Variants in HNF4A observed in about 807,000 individuals in gnomAD.
HNF4A encodes the protein hepatocyte nuclear factor 4-alpha.
HNF4A carries 15 observed loss-of-function variants against 52.4 expected under a neutral mutation model. That is an observed-to-expected ratio of 0.29 (90% CI 0.19 to 0.44). HNF4A has a LOEUF of 0.44. Among genes scored for constraint, HNF4A ranks in the 20% least tolerant of loss-of-function variants. The probability of loss-of-function intolerance (pLI) is 1.00; values close to 1 mark genes in which losing one functional copy is unlikely to be tolerated. For synonymous variants in HNF4A, 280 were observed against 264.4 expected (o/e 1.06, Z -0.57); for missense variants, 479 against 647.2 (o/e 0.74, Z 2.82).
intron 8 of HNF4A, chr20:44,424,537 G>A (rs1398798846): frequency 2.2e-5 from 24 of 1,068,946 alleles, no homozygotes; most frequent in Non-Finnish European, 3.3e-5. Flanking sequence ...GTGTGTGTGT[G>A]AGTATGTATG....
chr20:44,382,592 T>C (rs2063169412), intron 1 of HNF4A, among the ~76,000 whole-genome samples: 1 of 152,152 alleles, frequency 6.6e-6, no homozygotes, highest in Non-Finnish European at 1.5e-5. Flanking sequence ...ATTTTAAGTA[T>C]TCATATTAAA....
rs149729253 is a variant in HNF4A, at chr20:44,392,664, G to A, written c.50-13394G>A. ...CGGCCAACATCTGTATATTTTAAAG[G>A]TTTCAGATGATTCTATTTCATCTTC... On this transcript the variant is annotated intron_variant, in intron 1 of 9. Coordinates refer to the HNF4A transcript ENST00000316673. Among the ~76,000 whole-genome samples, 95 of 152,244 alleles carry A rather than the reference G, an allele frequency of 6.2e-4. No homozygotes were observed. In the East Asian group the frequency reaches 0.017, roughly 27 times the overall value.
intron 1 of HNF4A, among the ~76,000 whole-genome samples, chr20:44,357,795 A>G (rs919408506): frequency 2.6e-5 from 4 of 151,978 alleles, no homozygotes; most frequent in Non-Finnish European, 5.9e-5. Flanking sequence ...TGAGATAAAT[A>G]ATATTGTAAT....
In HNF4A at chr20:44,377,660, G is replaced by A. The variant is rs868271334; in HGVS notation, c.49+21807G>A. The A allele has an allele frequency of 5.3e-5, 8 of 152,274 alleles. No homozygotes were observed. The Middle Eastern group carries it at 0.024, about 453-fold the overall frequency. 9.4% of individuals were successfully genotyped at this position (152,274 alleles called of 1,614,324 possible). A position where few individuals can be genotyped will look rare whatever the true frequency, so the allele number is the denominator to read the frequency against. Reference sequence around the variant, plus strand: ...CACCTGTAATCCCAGCCACTTGGGAGGCTGAGGCATGAGAATCGCTTAAAC... The same window carrying A: ...CACCTGTAATCCCAGCCACTTGGGAAGCTGAGGCATGAGAATCGCTTAAAC... On this transcript the variant is annotated intron_variant, in intron 1 of 9. Transcript: ENST00000316673.
At chr20:44,402,463 C>A in intron 1 of HNF4A, 1 of 809,700 alleles carries the variant, frequency 1.2e-6, no homozygotes, top group Non-Finnish European at 1.8e-6. Flanking sequence ...CTCTGGTGTG[C>A]ACGACTGCAC....
chr20:44,404,728 C>T (rs916425923), intron 1 of HNF4A, among the ~76,000 whole-genome samples: 8 of 41,278 alleles, frequency 1.9e-4, no homozygotes, highest in South Asian at 1.0e-3. Context: ...TGTGTGGACT[C>T]TGTGTTCATG....
intron 7 of HNF4A, among the ~76,000 whole-genome samples, chr20:44,420,798 A>T: frequency 6.6e-6 from 1 of 152,190 alleles, no homozygotes; most frequent in East Asian, 1.9e-4. Flanking sequence ...AGTCTGGGTG[A>T]CAAAGCAAGA....
In HNF4A at chr20:44,380,918, T is replaced by A. The variant is rs559712402; in HGVS notation, c.49+25065T>A. On this transcript the variant is annotated intron_variant, in intron 1 of 9. Transcript: ENST00000316673. ...TTCCGTCAAACTCATTTTTAGTTAA[T>A]TTTCGTATATGGTGTAAGGAAAGAG... 2.6e-5 allele frequency among the ~76,000 whole-genome samples: 4 copies of A among 152,346 alleles called. No individual in the cohort carries two copies. The East Asian group carries it at 7.7e-4, about 29-fold the overall frequency.
intron 4 of HNF4A, among the ~76,000 whole-genome samples, chr20:44,414,130 C>T (rs1029380605): frequency 2.0e-5 from 3 of 152,216 alleles, no homozygotes; most frequent in Admixed American, 1.3e-4. Context: ...CAAAGTGGGG[C>T]CCAGCCCTTC....
intron 1 of HNF4A, among the ~76,000 whole-genome samples, chr20:44,404,818 G>GTA (rs1327805504): frequency 7.4e-5 from 9 of 120,918 alleles, no homozygotes; most frequent in East Asian, 2.9e-4. Context: ...ACTGTGTGGT[G>GTA]TGTGTGAACT....
chr20:44,413,110 C>G (rs537651584), intron 3 of HNF4A, among the ~76,000 whole-genome samples: 2 of 152,126 alleles, frequency 1.3e-5, no homozygotes, highest in African/African-American at 4.8e-5. Context: ...CCCCGGTGGG[C>G]GTAGGCTCCA....
At chr20:44,425,401 C>T (rs1323635957) in intron 8 of HNF4A, among the ~76,000 whole-genome samples, 2 of 152,156 alleles carry the variant, frequency 1.3e-5, no homozygotes, top group Non-Finnish European at 2.9e-5. Context: ...GGCAATGGAG[C>T]AGTGAAGATA....
chr20:44,366,172 T>C (rs12625671), intron 1 of HNF4A, among the ~76,000 whole-genome samples: 22,622 of 152,246 alleles, frequency 0.15, 2,506 homozygotes, highest in East Asian at 0.44. Flanking sequence ...GAAAATATCA[T>C]AGAGCATTTC....
rs1197317434 is a variant in HNF4A at position 44,408,720 on chromosome 20, C to G, written c.385+1245C>G. ...CCAGACTGGGCAAGACAGCGAGACT[C>G]TCTCAAAAAAAATAAAAAAGTAACG... On this transcript the variant is annotated intron_variant, in intron 3 of 9. Coordinates refer to ENST00000316099, the MANE Select transcript of HNF4A (RefSeq NM_000457.6). Among the ~76,000 whole-genome samples, 3 of 152,116 alleles carry G rather than the reference C, an allele frequency of 2.0e-5. No individual in the cohort carries two copies. The East Asian group carries it at 5.8e-4, about 29-fold the overall frequency.
At chr20:44,370,692 G>A (rs1308634584) in intron 1 of HNF4A, among the ~76,000 whole-genome samples, 1 of 152,198 alleles carries the variant, frequency 6.6e-6, no homozygotes, top group Admixed American at 6.5e-5. Context: ...TTGACACACA[G>A]TAGGCGCCCC....
Position 44,406,176 on chromosome 20 carries a change from C to T in HNF4A, c.234C>T (p.Asp78=), listed in dbSNP as rs753302065. The change falls in exon 2 of 10, where the codon GAC becomes GAT. Residue 78 remains aspartate, a synonymous_variant. Coordinates refer to ENST00000316099, the MANE Select transcript of HNF4A (RefSeq NM_000457.6). Reference sequence around the variant, plus strand: ...AACACTACGGTGCCTCGAGCTGTGACGGCTGCAAGGGCTTCTTCCGGAGGA... The same window carrying T: ...AACACTACGGTGCCTCGAGCTGTGATGGCTGCAAGGGCTTCTTCCGGAGGA... 1.2e-5 allele frequency: 19 copies of T among 1,613,850 alleles called. No homozygotes were observed. The highest frequency in any genetic ancestry group is 1.5e-5 in the Non-Finnish European group (18 of 1,180,024).
rs534918454 is a variant in HNF4A at position 44,386,825 on chromosome 20, G to A, written c.50-19233G>A. ...AGAGTTTGAACCTTTCTAAATGTTGGAGCACATACGATTTTTAAATCTTCA... is the reference window on the plus strand; with the variant it reads ...AGAGTTTGAACCTTTCTAAATGTTGAAGCACATACGATTTTTAAATCTTCA... On this transcript the variant is annotated intron_variant, in intron 1 of 9. Coordinates refer to the HNF4A transcript ENST00000316673. Among the ~76,000 whole-genome samples, 4 of 152,186 alleles carry A rather than the reference G, an allele frequency of 2.6e-5. No homozygotes were observed. In the South Asian group the frequency reaches 8.3e-4, roughly 32 times the overall value.
chr20:44,424,667 T>C, intron 8 of HNF4A: 6 of 1,285,320 alleles, frequency 4.7e-6, no homozygotes, highest in Non-Finnish European at 6.0e-6. Context: ...GGAATCCTCT[T>C]TAGATAGGGG....
chr20:44,428,496 ACT>A lies in HNF4A; in HGVS notation c.1282+12_1282+13del, dbSNP rs757387318. On this transcript the variant is annotated intron_variant, in intron 9 of 9. Coordinates refer to ENST00000316099, the MANE Select transcript of HNF4A (RefSeq NM_000457.6). The stretch of plus-strand genomic sequence containing the variant: ...ACCCAGGGGACAGGCAGGTGGGCAA[ACT>A]CTGGGATTTTACCTTGCAAAGGGTG... 1.2e-6 allele frequency: 2 copies of A among 1,613,390 alleles called. No individual in the cohort carries two copies. The highest frequency in any genetic ancestry group is 1.7e-6 in the Non-Finnish European group (2 of 1,179,734).
Sources: gnomAD v4.1 joint callset for allele counts (sites outside exome capture counted in the v4.1 genomes callset) on GRCh38, gnomAD v4.1.1 for gene constraint, MANE v1.5 for transcripts, NCBI Gene and HGNC (gene_info 2026-07-23, HGNC 2026-07-21) for gene names.